COL4A5: variants seen among roughly 807,000 people sequenced by gnomAD.
COL4A5 encodes collagen type IV alpha 5 chain.
Under a neutral mutation model 130.2 loss-of-function variants are expected in COL4A5, and 26 were observed. The ratio of observed to expected loss-of-function variants is 0.20; its 90% CI spans 0.15 to 0.28. The LOEUF is 0.28. COL4A5 is among the 10% of genes least tolerant of loss of function. COL4A5 has a pLI of 1.00. For missense variants in COL4A5, 1,131 were observed against 1,344.3 expected, an observed-to-expected ratio of 0.84 and a Z score of 2.48; for synonymous variants, 496 against 439.6, an observed-to-expected ratio of 1.13 and a Z score of -1.60.
At chrX:108,473,788 C>T (rs1418323063) in intron 1 of COL4A5, among the ~76,000 whole-genome samples, 2 of 104,179 alleles carry the variant, frequency 1.9e-5, no homozygotes, top group Non-Finnish European at 3.9e-5. Context: ...CCTGCCATCA[C>T]GCCTGGGTAA....
intron 2 of COL4A5, among the ~76,000 whole-genome samples, chrX:108,549,282 C>T (rs1331022940): frequency 8.9e-6 from 1 of 111,771 alleles, no homozygotes; most frequent in Non-Finnish European, 1.9e-5. Context: ...AAGAGCCCAA[C>T]ATCAAACAAC....
chrX:108,639,323 T>C (rs1381406522), intron 36 of COL4A5, among the ~76,000 whole-genome samples: 2 of 110,868 alleles, frequency 1.8e-5, no homozygotes, highest in Non-Finnish European at 3.8e-5. Flanking sequence ...AAAATGAATG[T>C]CCATATGCAG....
intron 1 of COL4A5, among the ~76,000 whole-genome samples, chrX:108,511,446 G>T (rs775161194): frequency 7.3e-4 from 82 of 111,808 alleles, no homozygotes; most frequent in African/African-American, 2.6e-3. Flanking sequence ...TTTCTTTGCA[G>T]AAATATGAGA....
chrX:108,561,195 A>G lies in COL4A5; in HGVS notation c.231+2042A>G, dbSNP rs149682533. On this transcript the variant is annotated intron_variant, in intron 3 of 52. Transcript: ENST00000328300. ...GGGTTCAGCGATAGGTGACATATCC[A>G]TTAGTTTGTCAAAATCAGAATCTTG... 3.8e-3 allele frequency among the ~76,000 whole-genome samples: 431 copies of G among 112,055 alleles called. 4 individuals are homozygous for G. Among genetic ancestry groups the G allele is most frequent in the African/African-American group, 0.014 (419 of 30,870 alleles).
chrX:108,681,253 C>A (rs1232671480), intron 46 of COL4A5, among the ~76,000 whole-genome samples: 1 of 111,214 alleles, frequency 9.0e-6, no homozygotes, highest in Non-Finnish European at 1.9e-5. Flanking sequence ...AAGAGCAAGT[C>A]ACATATGAAT....
In COL4A5 at chrX:108,530,922, T is replaced by C. The variant is rs374087538; in HGVS notation, c.82-8824T>C. 8.1e-4 allele frequency among the ~76,000 whole-genome samples: 83 copies of C among 101,951 alleles called. 4 individuals are homozygous for C. In the South Asian group the frequency reaches 0.03, roughly 36 times the overall value. The allele number at this position is 101,951 out of a possible 115,157, so 88.5% of individuals were successfully genotyped here. On this transcript the variant is annotated intron_variant, in intron 1 of 52. Transcript: ENST00000328300. ...GACACATGCACACGTATGTTTATTG[T>C]GGCACTATTCACAATAGCAAAGACT...
At chrX:108,633,812 C>CATTATTAT in intron 36 of COL4A5, among the ~76,000 whole-genome samples, 1 of 111,289 alleles carries the variant, frequency 9.0e-6, no homozygotes, top group Admixed American at 9.5e-5. Flanking sequence ...TTTCAGATGG[C>CATTATTAT]ATTATTATAC....
At chrX:108,670,644 A>G in intron 42 of COL4A5, 1 of 333,514 alleles carries the variant, frequency 3.0e-6, no homozygotes, top group South Asian at 2.6e-5. Context: ...TCAGATCTTG[A>G]AAATATGTAA....
intron 30 of COL4A5, among the ~76,000 whole-genome samples, chrX:108,615,432 A>C (rs2066909692): frequency 1.8e-5 from 2 of 111,438 alleles, no homozygotes; most frequent in Non-Finnish European, 3.8e-5. Flanking sequence ...GGTTCAGCAA[A>C]ACTTTCTGTA....
chrX:108,688,691 T>C (rs1374105182), intron 49 of COL4A5, among the ~76,000 whole-genome samples: 2 of 111,676 alleles, frequency 1.8e-5, no homozygotes, highest in African/African-American at 6.5e-5. Flanking sequence ...CACCTCTGCC[T>C]CCCAAAGTGT....
intron 1 of COL4A5, among the ~76,000 whole-genome samples, chrX:108,514,385 C>T (rs2065203802): frequency 8.9e-6 from 1 of 111,831 alleles, no homozygotes; most frequent in African/African-American, 3.2e-5. Context: ...GAAGCATAAT[C>T]CTTAGGAATA....
intron 16 of COL4A5, among the ~76,000 whole-genome samples, chrX:108,581,409 T>C (rs1006422228): frequency 6.3e-5 from 7 of 111,930 alleles, no homozygotes; most frequent in Non-Finnish European, 7.5e-5. Context: ...AGATATAATT[T>C]ACATAAAGTA....
intron 2 of COL4A5, among the ~76,000 whole-genome samples, chrX:108,546,809 T>C (rs2065665042): frequency 2.7e-5 from 3 of 110,865 alleles, no homozygotes; most frequent in African/African-American, 9.8e-5. Context: ...TGTTCGTTTC[T>C]TTTTATTCTT....
chrX:108,657,142 GC>G (rs756113570), intron 37 of COL4A5, among the ~76,000 whole-genome samples: 341 of 110,946 alleles, frequency 3.1e-3, no homozygotes, highest in African/African-American at 0.011. Context: ...TTCATATTTG[GC>G]TTATGAGCTA....
intron 38 of COL4A5, 31 bp from the exon 39 acceptor site, chrX:108,666,465 T>A (rs781287441): frequency 9.0e-7 from 1 of 1,115,250 alleles, no homozygotes; most frequent in African/African-American, 1.8e-5. Context: ...ATTGGAAAAC[T>A]GGGTGTAACC....
At chrX:108,510,857 T>A (rs1285152708) in intron 1 of COL4A5, among the ~76,000 whole-genome samples, 1 of 105,095 alleles carries the variant, frequency 9.5e-6, no homozygotes, top group Non-Finnish European at 1.9e-5. Context: ...TTTTATTTTT[T>A]AATTGACAAT....
intron 34 of COL4A5, 86 bp from the exon 35 acceptor site, chrX:108,625,619 G>T (rs1420056028): frequency 3.5e-6 from 2 of 577,584 alleles, no homozygotes; most frequent in African/African-American, 4.5e-5. Context: ...TCCCATGTTT[G>T]CATTTTAATG....
chrX:108,694,527 T>G lies in COL4A5; in HGVS notation c.4707-280T>G, dbSNP rs2068696329. 4.9e-5 allele frequency: 17 copies of G among 348,700 alleles called. No homozygotes were observed. In the South Asian group the frequency reaches 5.6e-4, roughly 12 times the overall value. The allele number at this position is 348,700 out of a possible 1,213,427, so 28.7% of individuals were successfully genotyped here. A position where few individuals can be genotyped will look rare whatever the true frequency, so the allele number is the denominator to read the frequency against. Reference sequence around the variant, plus strand: ...CAAACTCTTACGGCAATTGAGGCATTGACTATAGCAAGTATGAATAGACAT... The same window carrying G: ...CAAACTCTTACGGCAATTGAGGCATGGACTATAGCAAGTATGAATAGACAT... On this transcript the variant is annotated intron_variant, in intron 50 of 52. Coordinates refer to ENST00000328300, the MANE Select transcript of COL4A5 (RefSeq NM_033380.3).
intron 30 of COL4A5, among the ~76,000 whole-genome samples, chrX:108,617,231 C>G (rs999036546): frequency 3.6e-5 from 4 of 111,195 alleles, no homozygotes; most frequent in Non-Finnish European, 7.6e-5. Flanking sequence ...TGATTTATGT[C>G]CATAAATCTC....
Sources: allele counts gnomAD v4.1 joint callset (sites outside exome capture counted in the v4.1 genomes callset), GRCh38; gene constraint gnomAD v4.1.1; transcripts MANE v1.5; gene names NCBI Gene and HGNC (gene_info 2026-07-23, HGNC 2026-07-21).